Variants in TIAM1 observed in about 807,000 individuals in gnomAD.
The protein encoded by TIAM1 is rho guanine nucleotide exchange factor TIAM1.
In TIAM1, 65 loss-of-function variants were observed where a neutral mutation model predicts 163.5. The observed-to-expected ratio is 0.40, with a 90% confidence interval of 0.33 to 0.49. TIAM1 has a LOEUF of 0.49. TIAM1 is among the 20% of genes least tolerant of loss of function. TIAM1 has a pLI of 0.77. For missense variants in TIAM1, 1,789 were observed against 2,044.7 expected (o/e 0.87, Z 2.41); for synonymous variants, 833 against 810.1 (o/e 1.03, Z -0.48).
At chr21:31,396,796 CA>C (rs1280353044) in intron 2 of TIAM1, among the ~76,000 whole-genome samples, 4 of 151,802 alleles carry the variant, frequency 2.6e-5, no homozygotes, top group African/African-American at 9.7e-5. Flanking sequence ...ACTAAAAATA[CA>C]AAAATTAGCC....
At chr21:31,341,801 T>G (rs1466587299) in intron 1 of TIAM1, among the ~76,000 whole-genome samples, 1 of 152,232 alleles carries the variant, frequency 6.6e-6, no homozygotes, top group Non-Finnish European at 1.5e-5. Flanking sequence ...TAAGGCCTTT[T>G]TCGACAGAGT....
intron 2 of TIAM1, among the ~76,000 whole-genome samples, chr21:31,281,861 T>C (rs79299713): frequency 1.3e-5 from 2 of 151,840 alleles, no homozygotes; most frequent in Admixed American, 1.3e-4. Context: ...TGATGGGTGG[T>C]AGGTGGATAG....
chr21:31,489,560 G>A (rs1270746205), intron 1 of TIAM1, among the ~76,000 whole-genome samples: 1 of 56,922 alleles, frequency 1.8e-5, no homozygotes, highest in Non-Finnish European at 3.2e-5. Context: ...TGTGCTAAGG[G>A]AAAAGTGCAG....
intron 2 of TIAM1, among the ~76,000 whole-genome samples, chr21:31,392,559 A>C (rs2147198339): frequency 6.9e-6 from 1 of 145,910 alleles, no homozygotes; most frequent in Non-Finnish European, 1.5e-5. Flanking sequence ...AACAAGAGCA[A>C]AACTCTGTCT....
chr21:31,149,675 G>A (rs746645627), intron 19 of TIAM1, among the ~76,000 whole-genome samples: 1 of 152,160 alleles, frequency 6.6e-6, no homozygotes, highest in Admixed American at 6.5e-5. Flanking sequence ...GTATTTTAAA[G>A]TATGTCTATA....
intron 2 of TIAM1, among the ~76,000 whole-genome samples, chr21:31,401,469 C>T (rs2833395): frequency 0.11 from 16,078 of 152,180 alleles, 2,176 homozygotes; most frequent in African/African-American, 0.31. Context: ...AACTGTTCCT[C>T]TATTGGGATA....
intron 23 of TIAM1, among the ~76,000 whole-genome samples, chr21:31,134,016 C>T (rs374074424): frequency 4.6e-5 from 7 of 152,064 alleles, no homozygotes; most frequent in South Asian, 2.1e-4. Flanking sequence ...TGCAGTGAGC[C>T]GAGAACGCAC....
Position 31,465,609 on chromosome 21 carries a change from T to C in TIAM1, c.-421-1574A>G, listed in dbSNP as rs375104190. Among the ~76,000 whole-genome samples, 714 of 151,816 alleles carry C rather than the reference T, an allele frequency of 4.7e-3. 1 individual carries two copies. Among genetic ancestry groups the C allele is most frequent in the Middle Eastern group, 0.024 (7 of 294 alleles). ...TTTTTGAGACGGAGTCTCGCCCTGT[T>C]ACCCAGGCTGGAGTGCAGTGGTGCG... On this transcript the variant is annotated intron_variant, in intron 1 of 28. Transcript: ENST00000286827.
intron 1 of TIAM1, among the ~76,000 whole-genome samples, chr21:31,538,650 G>A (rs568882691): frequency 2.6e-5 from 4 of 152,108 alleles, no homozygotes; most frequent in South Asian, 2.1e-4. Context: ...TGTCATGCAC[G>A]TCCATGTCAC....
chr21:31,255,107 A>G (rs555531209), intron 4 of TIAM1, among the ~76,000 whole-genome samples: 17 of 152,294 alleles, frequency 1.1e-4, no homozygotes, highest in Middle Eastern at 3.4e-3. Context: ...TGGGACAACC[A>G]CTAAACCAAG....
chr21:31,391,733 G>A, intron 2 of TIAM1, among the ~76,000 whole-genome samples: 1 of 152,184 alleles, frequency 6.6e-6, no homozygotes, highest in South Asian at 2.1e-4. Flanking sequence ...CCAGACAAAG[G>A]TTATATGTGC....
intron 11 of TIAM1, among the ~76,000 whole-genome samples, 196 bp downstream of exon 11, chr21:31,209,849 T>C (rs7283129): frequency 0.1 from 15,165 of 152,270 alleles, 2,336 homozygotes; most frequent in African/African-American, 0.33. Flanking sequence ...AGTTCCTCTC[T>C]TCCCAAAGGT....
chr21:31,285,224 C>A (rs2073753764), intron 2 of TIAM1, among the ~76,000 whole-genome samples: 1 of 152,192 alleles, frequency 6.6e-6, no homozygotes, highest in Non-Finnish European at 1.5e-5. Context: ...GCTGCCTTCG[C>A]ACACAGAGGG....
intron 8 of TIAM1, 139 bp downstream of exon 8, chr21:31,223,267 T>C: frequency 1.1e-6 from 1 of 875,078 alleles, no homozygotes; most frequent in Admixed American, 2.7e-5. Context: ...GAAATTTGCA[T>C]CCACTGCAAA....
At chr21:31,181,972 T>C (rs914300165) in intron 15 of TIAM1, among the ~76,000 whole-genome samples, 1 of 148,512 alleles carries the variant, frequency 6.7e-6, no homozygotes, top group Non-Finnish European at 1.5e-5. Flanking sequence ...TTTGGAGAGA[T>C]AGAGTCTCGT....
chr21:31,508,265 C>A (rs1424911478), intron 1 of TIAM1, among the ~76,000 whole-genome samples: 1 of 152,156 alleles, frequency 6.6e-6, no homozygotes, highest in Non-Finnish European at 1.5e-5. Context: ...ACTCTGTTAG[C>A]ACAGCCCTAG....
intron 3 of TIAM1, among the ~76,000 whole-genome samples, chr21:31,269,723 G>C (rs1246710254): frequency 6.7e-6 from 1 of 148,836 alleles, no homozygotes; most frequent in Admixed American, 6.7e-5. Flanking sequence ...CCCGGCTGGA[G>C]TGCAGTGGCA....
chr21:31,533,081 G>A (rs1177510225), intron 1 of TIAM1, among the ~76,000 whole-genome samples: 1 of 152,220 alleles, frequency 6.6e-6, no homozygotes, highest in Non-Finnish European at 1.5e-5. Flanking sequence ...AGCACTCTGG[G>A]AGGCTGAGGT....
intron 2 of TIAM1, among the ~76,000 whole-genome samples, chr21:31,315,748 G>A (rs980200009): frequency 6.6e-6 from 1 of 150,746 alleles, no homozygotes; most frequent in Non-Finnish European, 1.5e-5. Context: ...TTGGGAGGCC[G>A]AGGCAGGCGG....
Sources: gnomAD v4.1 joint callset for allele counts (sites outside exome capture counted in the v4.1 genomes callset) on GRCh38, gnomAD v4.1.1 for gene constraint, MANE v1.5 for transcripts, NCBI Gene and HGNC (gene_info 2026-07-23, HGNC 2026-07-21) for gene names.